The following COX10 variants were observed in gnomAD, a reference collection of about 807,000 sequenced individuals.
COX10 encodes the protein cytochrome c oxidase assembly factor heme A:farnesyltransferase COX10, also known as protoheme IX farnesyltransferase, mitochondrial.
Under a neutral mutation model 37.3 loss-of-function variants are expected in COX10, and 27 were observed. The ratio of observed to expected loss-of-function variants is 0.72; its 90% confidence interval spans 0.53 to 1.00. The LOEUF is 1.00. Ranked by LOEUF, COX10 falls within the 50% of genes least tolerant of loss-of-function variation. The pLI, the probability that COX10 is intolerant of heterozygous loss-of-function variation, is 0.00. For synonymous variants in COX10, 222 were observed against 229.1 expected (o/e 0.97, Z 0.28); for missense variants, 475 against 563.2 (o/e 0.84, Z 1.59).
chr17:14,079,534 G>A (rs1389130929), intron 3 of COX10, among the ~76,000 whole-genome samples: 1 of 152,162 alleles, frequency 6.6e-6, no homozygotes, highest in African/African-American at 2.4e-5. Context: ...TGTCATATTG[G>A]CATGTATATC....
chr17:14,088,397 G>A (rs1597495738), intron 3 of COX10, among the ~76,000 whole-genome samples: 1 of 151,812 alleles, frequency 6.6e-6, no homozygotes, highest in Admixed American at 6.6e-5. Flanking sequence ...TTTCTGTGGG[G>A]CTGGGGCTCT....
rs988517270 is a variant in COX10, at chr17:14,103,951, GTGTCTGCCTCTT to G, written c.624+1711_624+1722del. On this transcript the variant is annotated intron_variant, in intron 4 of 6. Coordinates refer to ENST00000261643, the MANE Select transcript of COX10 (RefSeq NM_001303.4). ...TTCTTTCTGGTCCTGAAAAGGTGCA[GTGTCTGCCTCTT>G]TCCTCCTTAGGCTGGTTTTCCAGCC... Among the ~76,000 whole-genome samples the G allele has an allele frequency of 5.3e-5, 8 of 152,246 alleles. No individual in the cohort carries two copies. In the East Asian group the frequency reaches 7.7e-4, roughly 15 times the overall value.
chr17:14,111,418 A>G (rs1158047435), intron 4 of COX10, among the ~76,000 whole-genome samples: 1 of 152,144 alleles, frequency 6.6e-6, no homozygotes, highest in East Asian at 1.9e-4. Context: ...AACAAAAGAG[A>G]AATTTTGGTA....
chr17:14,131,115 A>G (rs1916454724), intron 4 of COX10, among the ~76,000 whole-genome samples: 1 of 152,186 alleles, frequency 6.6e-6, no homozygotes, highest in African/African-American at 2.4e-5. Context: ...AGTTATTTAA[A>G]TGAATGACCA....
chr17:14,160,077 A>C lies in COX10; in HGVS notation c.695+130A>C, dbSNP rs78809149. ...AATACCCACAAAGAAACAAAGTGATATGGAAATGCAATACTTTCCACCTCT... is the reference window on the plus strand; with the variant it reads ...AATACCCACAAAGAAACAAAGTGATCTGGAAATGCAATACTTTCCACCTCT... On this transcript the variant is annotated intron_variant, in intron 5 of 6. Transcript: ENST00000261643. 67,690 of 794,520 alleles carry C rather than the reference A, an allele frequency of 0.085. 5,530 individuals are homozygous for C. Among genetic ancestry groups the C allele is most frequent in the African/African-American group, 0.33 (19,280 of 58,546 alleles). The allele number at this position is 794,520 out of a possible 1,614,324, so 49.2% of individuals were successfully genotyped here. A position where few individuals can be genotyped will look rare whatever the true frequency, so the allele number is the denominator to read the frequency against.
intron 2 of COX10, among the ~76,000 whole-genome samples, chr17:14,075,380 A>G (rs1018532879): frequency 6.6e-6 from 1 of 152,102 alleles, no homozygotes; most frequent in Non-Finnish European, 1.5e-5. Flanking sequence ...TTGTGATGTG[A>G]TGGAAAAGGC....
chr17:14,090,776 T>A (rs772323372), intron 3 of COX10, among the ~76,000 whole-genome samples: 2 of 152,192 alleles, frequency 1.3e-5, no homozygotes, highest in Non-Finnish European at 2.9e-5. Context: ...TGTTCAGAGT[T>A]CCTCACCTGC....
rs556199820 is a variant in COX10, at chr17:14,192,894, T to C, written c.928+673T>C. Among the ~76,000 whole-genome samples the C allele has an allele frequency of 2.4e-4, 36 of 151,956 alleles. No individual in the cohort carries two copies. The South Asian group carries it at 7.5e-3, about 32-fold the overall frequency. On this transcript the variant is annotated intron_variant, in intron 6 of 6. Coordinates refer to ENST00000261643, the MANE Select transcript of COX10 (RefSeq NM_001303.4). ...GGAAGTGGTGAGGTTTCCTGCAATA[T>C]ATGTAAGTACATATTTTTCACATGA...
intron 4 of COX10, among the ~76,000 whole-genome samples, chr17:14,110,744 TTGAC>T (rs1205671850): frequency 1.3e-5 from 2 of 152,102 alleles, no homozygotes; most frequent in African/African-American, 4.8e-5. Context: ...CTGGGTTAGA[TTGAC>T]TGTTGGTTGA....
chr17:14,130,783 T>G (rs1916446486), intron 4 of COX10, among the ~76,000 whole-genome samples: 1 of 152,102 alleles, frequency 6.6e-6, no homozygotes, highest in Non-Finnish European at 1.5e-5. Context: ...TGCTTTTGTT[T>G]CCTCCTGATT....
chr17:14,207,375 C>A lies in COX10; in HGVS notation c.*162C>A. The A allele has an allele frequency of 1.1e-6, 1 of 881,144 alleles. No homozygotes were observed. Among genetic ancestry groups the A allele is most frequent in the Non-Finnish European group, 1.7e-6 (1 of 604,232 alleles). The allele number at this position is 881,144 out of a possible 1,614,324, so 54.6% of individuals were successfully genotyped here. A position where few individuals can be genotyped will look rare whatever the true frequency, so the allele number is the denominator to read the frequency against. On this transcript the variant is annotated 3_prime_UTR_variant, in exon 7 of 7. Transcript: ENST00000261643. ...AGTTTTTTTTTTTTTTAAATATTAC[C>A]CAAAATGCTCCCCAAATAAGAAATG...
At chr17:14,164,030 C>T (rs1905225539) in intron 5 of COX10, among the ~76,000 whole-genome samples, 1 of 152,142 alleles carries the variant, frequency 6.6e-6, no homozygotes. Context: ...ACAAATTTGG[C>T]TTTGTGTATT....
chr17:14,133,219 G>T (rs1916504842), intron 4 of COX10, among the ~76,000 whole-genome samples: 1 of 151,526 alleles, frequency 6.6e-6, no homozygotes, highest in African/African-American at 2.4e-5. Flanking sequence ...CAAAAGTATT[G>T]AAGAAGTACC....
chr17:14,106,131 C>T (rs766851885), intron 4 of COX10, among the ~76,000 whole-genome samples: 31 of 151,988 alleles, frequency 2.0e-4, no homozygotes, highest in Non-Finnish European at 4.1e-4. Context: ...ATTCTCCTGC[C>T]GCAGCCTCCC....
At chr17:14,105,772 T>C (rs1209321387) in intron 4 of COX10, among the ~76,000 whole-genome samples, 1 of 152,134 alleles carries the variant, frequency 6.6e-6, no homozygotes, top group Non-Finnish European at 1.5e-5. Flanking sequence ...AACAAATATC[T>C]TGCTTTTGTA....
In COX10 at chr17:14,076,717, G is replaced by A. The variant is rs1259245004; in HGVS notation, c.178-18G>A. ...TTTGGGGCCTTGGTTTTATAGTAATGTGTGCTTTTTTGTTTAGTATGTCAC... is the reference window on the plus strand; with the variant it reads ...TTTGGGGCCTTGGTTTTATAGTAATATGTGCTTTTTTGTTTAGTATGTCAC... On this transcript the variant is annotated intron_variant, in intron 2 of 6. Coordinates refer to ENST00000261643, the MANE Select transcript of COX10 (RefSeq NM_001303.4). The A allele has an allele frequency of 3.7e-6, 6 of 1,613,558 alleles. No individual in the cohort carries two copies. The highest frequency in any genetic ancestry group is 2.7e-5 in the African/African-American group (2 of 74,902).
chr17:14,131,876 G>T (rs1303644636), intron 4 of COX10, among the ~76,000 whole-genome samples: 1 of 151,926 alleles, frequency 6.6e-6, no homozygotes, highest in Non-Finnish European at 1.5e-5. Flanking sequence ...TTTGTACAAA[G>T]TCCTTTTCAC....
chr17:14,141,343 C>G (rs1184529405), intron 4 of COX10, among the ~76,000 whole-genome samples: 1 of 151,634 alleles, frequency 6.6e-6, no homozygotes. Flanking sequence ...AGTTGGAGAC[C>G]AGCCTGGGTA....
In COX10 at chr17:14,208,148, G is replaced by T. The variant is rs555631251; in HGVS notation, c.*935G>T. 6.6e-6 allele frequency: 1 copy of T among 152,308 alleles called. No individual in the cohort carries two copies. Among genetic ancestry groups the T allele is most frequent in the Admixed American group, 6.5e-5 (1 of 15,300 alleles). 9.4% of individuals were successfully genotyped at this position (152,308 alleles called of 1,614,324 possible). ...CACAGAGCTCACATTCCTGTCCCTT[G>T]GGTGAAAAATACATGTCCATCCTGA... is the stretch of plus-strand genomic sequence containing the variant. On this transcript the variant is annotated 3_prime_UTR_variant, in exon 7 of 7. Transcript: ENST00000261643.
Sources: gnomAD v4.1 joint callset for allele counts (sites outside exome capture counted in the v4.1 genomes callset) on GRCh38, gnomAD v4.1.1 for gene constraint, MANE v1.5 for transcripts, NCBI Gene and HGNC (gene_info 2026-07-23, HGNC 2026-07-21) for gene names.